DIAPH3: variants seen among roughly 807,000 people sequenced by gnomAD.
The protein encoded by DIAPH3 is protein diaphanous homolog 3.
Under a neutral mutation model 144.3 loss-of-function variants are expected in DIAPH3, and 117 were observed. The observed-to-expected ratio is 0.81, with a 90% CI of 0.70 to 0.95. The LOEUF (loss-of-function observed/expected upper bound fraction) is 0.95, where lower values mean the gene tolerates loss of function less well. Among genes scored for constraint, DIAPH3 ranks in the 40% least tolerant of loss-of-function variants. The pLI is 0.00. For missense variants in DIAPH3, 1,421 were observed against 1,412.7 expected (o/e 1.01, Z -0.09); for synonymous variants, 519 against 488.9 (o/e 1.06, Z -0.81).
intron 3 of DIAPH3, among the ~76,000 whole-genome samples, chr13:60,102,565 T>C (rs551866211): frequency 6.6e-6 from 1 of 152,310 alleles, no homozygotes; most frequent in Non-Finnish European, 1.5e-5. Context: ...AGCCCCAGAC[T>C]AGAACACTGA....
rs1248405137 is a variant in DIAPH3 at position 59,802,009 on chromosome 13, G to A, written c.3163+8779C>T. ...ACTTTAGACTTTGAGCAACCTTCAC[G>A]ACCAAGTTCAACACCAATGAATAGA... On this transcript the variant is annotated intron_variant, in intron 25 of 27. Coordinates refer to ENST00000400324, the MANE Select transcript of DIAPH3 (RefSeq NM_001042517.2). Among the ~76,000 whole-genome samples, 7 of 151,650 alleles carry A rather than the reference G, an allele frequency of 4.6e-5. No homozygotes were observed. The South Asian group carries it at 1.0e-3, about 23-fold the overall frequency.
At chr13:59,998,849 C>A (rs1425829641) in intron 9 of DIAPH3, among the ~76,000 whole-genome samples, 2 of 152,024 alleles carry the variant, frequency 1.3e-5, no homozygotes, top group Non-Finnish European at 2.9e-5. Flanking sequence ...ACATTTGCAT[C>A]CTTCCGGGAT....
chr13:59,922,175 C>T (rs897406914), intron 18 of DIAPH3, among the ~76,000 whole-genome samples: 2 of 151,998 alleles, frequency 1.3e-5, no homozygotes, highest in Non-Finnish European at 2.9e-5. Context: ...TTCACCACTT[C>T]TATTCAACAT....
intron 2 of DIAPH3, among the ~76,000 whole-genome samples, chr13:60,131,559 C>T (rs1294860354): frequency 6.6e-6 from 1 of 150,744 alleles, no homozygotes; most frequent in African/African-American, 2.4e-5. Flanking sequence ...CGATATGAGT[C>T]AATTTATATG....
At chr13:60,036,530 CT>C (rs1348177199) in intron 5 of DIAPH3, among the ~76,000 whole-genome samples, 1 of 151,688 alleles carries the variant, frequency 6.6e-6, no homozygotes, top group Non-Finnish European at 1.5e-5. Flanking sequence ...CATTACTTAC[CT>C]CCGTGGTATC....
At chr13:59,958,769 A>G (rs912317354) in intron 17 of DIAPH3, among the ~76,000 whole-genome samples, 5 of 151,952 alleles carry the variant, frequency 3.3e-5, no homozygotes, top group Admixed American at 6.6e-5. Context: ...AGAAAACACA[A>G]TATAAGAATT....
intron 21 of DIAPH3, among the ~76,000 whole-genome samples, chr13:59,870,817 T>C (rs945744729): frequency 2.0e-5 from 3 of 152,036 alleles, no homozygotes; most frequent in Non-Finnish European, 2.9e-5. Context: ...ATTACAAGCA[T>C]GTGCCACCAC....
intron 27 of DIAPH3, among the ~76,000 whole-genome samples, chr13:59,669,124 G>A (rs2032200622): frequency 6.6e-6 from 1 of 152,136 alleles, no homozygotes; most frequent in Non-Finnish European, 1.5e-5. Context: ...TAATAATGGT[G>A]TCCTGCACTT....
chr13:60,028,820 G>A (rs533056969), intron 5 of DIAPH3, among the ~76,000 whole-genome samples: 38 of 152,188 alleles, frequency 2.5e-4, no homozygotes, highest in African/African-American at 8.9e-4. Context: ...CAGCACTTTG[G>A]GAGGCCGAGG....
intron 4 of DIAPH3, among the ~76,000 whole-genome samples, chr13:60,079,221 G>A (rs968854319): frequency 2.6e-5 from 4 of 152,036 alleles, no homozygotes; most frequent in Non-Finnish European, 5.9e-5. Context: ...AATAAAGCAT[G>A]ATTTATTTAA....
Position 60,008,613 on chromosome 13 carries a change from A to G in DIAPH3, c.945T>C (p.Gly315=), listed in dbSNP as rs1381626303. The G allele has an allele frequency of 2.5e-6, 4 of 1,613,438 alleles. No homozygotes were observed. The Admixed American group carries it at 6.7e-5, about 27-fold the overall frequency. The change falls in exon 9 of 28, where the codon GGT becomes GGC. Residue 315 remains glycine, a synonymous_variant. Transcript: ENST00000400324. ...EEVLEALTSA[G]EEKKIDRFFC... is the part of the protein sequence containing the mutation. ...AAAATCTGTCAATTTTTTTTTCTTC[A>G]CCAGCTGAAGTTAAAGCTTCTAAAA...
chr13:59,802,664 ATTATTTT>A (rs1261408275), intron 25 of DIAPH3, among the ~76,000 whole-genome samples: 4 of 32,538 alleles, frequency 1.2e-4, no homozygotes, highest in Admixed American at 1.3e-3. Flanking sequence ...TATTATTATT[ATTATTTT>A]TTTTTTTTTT....
intron 21 of DIAPH3, among the ~76,000 whole-genome samples, chr13:59,871,076 A>G (rs931424798): frequency 6.6e-6 from 1 of 151,612 alleles, no homozygotes; most frequent in African/African-American, 2.4e-5. Flanking sequence ...TCCAATTCCA[A>G]TTGTTCATTG....
At chr13:59,923,146 G>T (rs1466942550) in intron 18 of DIAPH3, among the ~76,000 whole-genome samples, 1 of 152,090 alleles carries the variant, frequency 6.6e-6, no homozygotes, top group East Asian at 1.9e-4. Flanking sequence ...TGTTCAAAAA[G>T]TTATTTAACT....
chr13:60,143,638 A>T (rs1594772130), intron 1 of DIAPH3, among the ~76,000 whole-genome samples: 1 of 152,132 alleles, frequency 6.6e-6, no homozygotes, highest in East Asian at 1.9e-4. Flanking sequence ...ACCAGTCTGT[A>T]ATCCATCTAA....
At chr13:59,877,392 C>T (rs2044699047) in intron 21 of DIAPH3, among the ~76,000 whole-genome samples, 1 of 152,080 alleles carries the variant, frequency 6.6e-6, no homozygotes, top group Admixed American at 6.6e-5. Context: ...CAACCAAACA[C>T]CAAATACCTC....
chr13:60,159,460 T>A (rs762111250), intron 1 of DIAPH3, among the ~76,000 whole-genome samples: 1 of 151,976 alleles, frequency 6.6e-6, no homozygotes, highest in Non-Finnish European at 1.5e-5. Flanking sequence ...GCCTCATCTC[T>A]ACTAAAAATA....
At chr13:59,912,907 G>A (rs1404981756) in intron 19 of DIAPH3, among the ~76,000 whole-genome samples, 1 of 151,842 alleles carries the variant, frequency 6.6e-6, no homozygotes, top group Non-Finnish European at 1.5e-5. Flanking sequence ...ACAAAAACTT[G>A]GTTAACTGGC....
chr13:59,799,414 CACACACAGA>C (rs2039786696), intron 25 of DIAPH3, among the ~76,000 whole-genome samples: 1 of 144,378 alleles, frequency 6.9e-6, no homozygotes, highest in Non-Finnish European at 1.5e-5. Flanking sequence ...CACACACACA[CACACACAGA>C]AGGAGAATTG....
Sources: allele counts gnomAD v4.1 joint callset (sites outside exome capture counted in the v4.1 genomes callset), GRCh38; gene constraint gnomAD v4.1.1; transcripts MANE v1.5; gene names NCBI Gene and HGNC (gene_info 2026-07-23, HGNC 2026-07-21).